Variants in RAD18 observed in about 807,000 individuals in gnomAD.
RAD18 encodes the protein E3 ubiquitin-protein ligase RAD18.
A neutral mutation model predicts 60.4 loss-of-function variants in RAD18; 47 were observed. The ratio of observed to expected loss-of-function variants is 0.78; its 90% CI spans 0.62 to 0.99. RAD18 has a LOEUF of 0.99. RAD18 is among the 50% of genes least tolerant of loss of function. The pLI, the probability that RAD18 is intolerant of heterozygous loss-of-function variation, is 0.00. For missense variants in RAD18, 640 were observed against 593.3 expected (o/e 1.08, Z -0.82); for synonymous variants, 225 against 195.5 (o/e 1.15, Z -1.26).
At chr3:8,918,979 G>A (rs1012306402) in intron 7 of RAD18, among the ~76,000 whole-genome samples, 1 of 152,216 alleles carries the variant, frequency 6.6e-6, no homozygotes, top group African/African-American at 2.4e-5. Context: ...TAACTGAGAA[G>A]AGAATATCAA....
rs1939426428 is a variant in RAD18, at chr3:8,879,790, A to G, written c.*1567T>C. 1 of 152,194 alleles carries G rather than the reference A, an allele frequency of 6.6e-6. No individual in the cohort carries two copies. Among genetic ancestry groups the G allele is most frequent in the African/African-American group, 2.4e-5 (1 of 41,440 alleles). The allele number at this position is 152,194 out of a possible 1,614,324, so 9.4% of individuals were successfully genotyped here. A position where few individuals can be genotyped will look rare whatever the true frequency, so the allele number is the denominator to read the frequency against. ...GCACAGTGACAGACATAGATAACCA[A>G]ATATTTGCTGAATGAACTCATGTGC... On this transcript the variant is annotated 3_prime_UTR_variant, in exon 13 of 13. Transcript: ENST00000264926.
chr3:8,882,833 A>T (rs185669427), intron 12 of RAD18, among the ~76,000 whole-genome samples: 179 of 152,326 alleles, frequency 1.2e-3, no homozygotes, highest in Admixed American at 3.0e-3. Context: ...ACTCTGAATT[A>T]CCCAGCTCAA....
intron 7 of RAD18, among the ~76,000 whole-genome samples, chr3:8,929,689 T>C (rs1457232251): frequency 1.3e-5 from 2 of 151,616 alleles, no homozygotes; most frequent in Admixed American, 6.6e-5. Flanking sequence ...TTGCCCAGAC[T>C]GTAGTGCAAT....
chr3:8,950,024 T>G (rs927171456), intron 2 of RAD18, among the ~76,000 whole-genome samples: 2 of 151,984 alleles, frequency 1.3e-5, no homozygotes, highest in African/African-American at 4.8e-5. Flanking sequence ...CTGTTTTTTT[T>G]GTTTTGTTTT....
In RAD18 at chr3:8,880,213, C is replaced by T. The variant is rs932465942; in HGVS notation, c.*1144G>A. 3.3e-5 allele frequency: 5 copies of T among 152,230 alleles called. No homozygotes were observed. The highest frequency in any genetic ancestry group is 1.2e-4 in the African/African-American group (5 of 41,458). 9.4% of individuals were successfully genotyped at this position (152,230 alleles called of 1,614,324 possible). On this transcript the variant is annotated 3_prime_UTR_variant, in exon 13 of 13. Coordinates refer to ENST00000264926, the MANE Select transcript of RAD18 (RefSeq NM_020165.4). ...CTCTCAGCCATAATGAGACTCCACACATTATCAGAAACCCCAAGGCATACC... is the reference window on the plus strand; with the variant it reads ...CTCTCAGCCATAATGAGACTCCACATATTATCAGAAACCCCAAGGCATACC...
At chr3:8,925,519 C>T (rs938377459) in intron 7 of RAD18, among the ~76,000 whole-genome samples, 8 of 152,144 alleles carry the variant, frequency 5.3e-5, no homozygotes, top group Non-Finnish European at 7.3e-5. Context: ...TGAAACTATT[C>T]CAATCAATAG....
At chr3:8,904,368 A>G (rs1939967746) in intron 9 of RAD18, among the ~76,000 whole-genome samples, 2 of 152,230 alleles carry the variant, frequency 1.3e-5, no homozygotes, top group South Asian at 2.1e-4. Flanking sequence ...TTGGATTCCT[A>G]TACATGAATA....
chr3:8,898,262 T>C (rs1444792111), intron 11 of RAD18, among the ~76,000 whole-genome samples: 21 of 152,152 alleles, frequency 1.4e-4, no homozygotes, highest in Non-Finnish European at 5.9e-5. Context: ...TAAGCTATTA[T>C]GTTGGTGCAA....
chr3:8,903,350 A>C (rs1457007579), intron 9 of RAD18, among the ~76,000 whole-genome samples: 1 of 152,200 alleles, frequency 6.6e-6, no homozygotes, highest in African/African-American at 2.4e-5. Flanking sequence ...GAGAACTAAG[A>C]GTATTTGCTG....
At chr3:8,927,006 C>CT (rs1328461509) in intron 7 of RAD18, among the ~76,000 whole-genome samples, 1 of 152,002 alleles carries the variant, frequency 6.6e-6, no homozygotes, top group African/African-American at 2.4e-5. Flanking sequence ...TGGGCAAGGA[C>CT]TTCATGTCTA....
intron 2 of RAD18, among the ~76,000 whole-genome samples, chr3:8,958,526 T>C (rs1336793520): frequency 6.6e-6 from 1 of 152,246 alleles, no homozygotes; most frequent in East Asian, 1.9e-4. Flanking sequence ...GGCAATATTC[T>C]TATTGTTACA....
Position 8,909,500 on chromosome 3 carries a change from G to A in RAD18, c.1027+2812C>T, listed in dbSNP as rs45459195. Among the ~76,000 whole-genome samples, 187 of 141,738 alleles carry A rather than the reference G, an allele frequency of 1.3e-3. 1 individual carries two copies. Among genetic ancestry groups the A allele is most frequent in the African/African-American group, 4.8e-3 (181 of 38,070 alleles). The allele number at this position is 141,738 out of a possible 152,430, so 93.0% of individuals were successfully genotyped here. A position where few individuals can be genotyped will look rare whatever the true frequency, so the allele number is the denominator to read the frequency against. On this transcript the variant is annotated intron_variant, in intron 9 of 12. Transcript: ENST00000264926. ...ATAGAGACTGACAGAACTTGGTGGT[G>A]AACTGAACATGGGCAGATAAAAAAA...
At chr3:8,955,410 A>T (rs767251250) in intron 2 of RAD18, among the ~76,000 whole-genome samples, 15 of 151,928 alleles carry the variant, frequency 9.9e-5, no homozygotes, top group Non-Finnish European at 2.1e-4. Context: ...TGCTAAGAAT[A>T]AAAAAAAGCT....
chr3:8,959,099 C>G (rs907455072), intron 1 of RAD18, 98 bp from the exon 2 acceptor site: 42 of 914,630 alleles, frequency 4.6e-5, no homozygotes, highest in Admixed American at 1.4e-4. Context: ...AAAAATCAAA[C>G]TCTTTGTCAA....
chr3:8,942,090 C>CA (rs1197902258), intron 4 of RAD18, among the ~76,000 whole-genome samples: 1 of 152,140 alleles, frequency 6.6e-6, no homozygotes, highest in East Asian at 1.9e-4. Flanking sequence ...AAAATCCGAA[C>CA]AAAATATACT....
chr3:8,908,086 C>G (rs917546332), intron 9 of RAD18, among the ~76,000 whole-genome samples: 1 of 152,104 alleles, frequency 6.6e-6, no homozygotes, highest in African/African-American at 2.4e-5. Context: ...TTGTTGGATC[C>G]GTCTCTTTTC....
intron 2 of RAD18, among the ~76,000 whole-genome samples, chr3:8,955,050 G>A (rs1228365851): frequency 1.3e-5 from 2 of 152,212 alleles, no homozygotes; most frequent in East Asian, 1.9e-4. Flanking sequence ...ATGAAGAAGT[G>A]AGCAAACAAC....
At chr3:8,950,747 T>G (rs1015186018) in intron 2 of RAD18, among the ~76,000 whole-genome samples, 11 of 152,108 alleles carry the variant, frequency 7.2e-5, no homozygotes, top group African/African-American at 2.7e-4. Flanking sequence ...TTTTTAAAAA[T>G]TATATGCTAA....
intron 4 of RAD18, 49 bp downstream of exon 4, chr3:8,947,171 A>T (rs202129144): frequency 7.2e-7 from 1 of 1,390,084 alleles, no homozygotes; most frequent in African/African-American, 1.4e-5. Context: ...GAGAGAACAC[A>T]TATAAAAGGC....
Sources: gnomAD v4.1 joint callset for allele counts (sites outside exome capture counted in the v4.1 genomes callset) on GRCh38, gnomAD v4.1.1 for gene constraint, MANE v1.5 for transcripts, NCBI Gene and HGNC (gene_info 2026-07-23, HGNC 2026-07-21) for gene names.